HTR1F: variants seen among roughly 807,000 people sequenced by gnomAD.
HTR1F encodes the protein 5-hydroxytryptamine (serotonin) receptor 1F, G protein-coupled.
Under a neutral mutation model 24.0 loss-of-function variants are expected in HTR1F, and 17 were observed. The observed-to-expected ratio is 0.71, with a 90% CI of 0.48 to 1.06. HTR1F has a LOEUF of 1.06. Among genes scored for constraint, HTR1F ranks in the 50% least tolerant of loss-of-function variants. The probability of loss-of-function intolerance (pLI) is 0.00; values close to 1 mark genes in which losing one functional copy is unlikely to be tolerated. For synonymous variants in HTR1F, 186 were observed against 156.8 expected (o/e 1.19, Z -1.39); for missense variants, 391 against 427.8 (o/e 0.91, Z 0.76).
chr3:87,899,816 T>C (rs527531636), intron 2 of HTR1F, among the ~76,000 whole-genome samples: 70 of 152,268 alleles, frequency 4.6e-4, no homozygotes, highest in African/African-American at 1.6e-3. Context: ...TGAGCCAAGA[T>C]TGCGCCACTG....
chr3:87,892,024 G>C (rs1706096983), intron 2 of HTR1F, among the ~76,000 whole-genome samples: 1 of 152,050 alleles, frequency 6.6e-6, no homozygotes. Context: ...CCTGGATCTT[G>C]CAGAAACCTA....
chr3:87,882,500 A>G (rs1355711468), intron 2 of HTR1F, among the ~76,000 whole-genome samples: 2 of 152,136 alleles, frequency 1.3e-5, no homozygotes, highest in African/African-American at 4.8e-5. Flanking sequence ...AATGTGGCAC[A>G]TATACACCAT....
intron 1 of HTR1F, among the ~76,000 whole-genome samples, chr3:87,815,714 C>T (rs1037002476): frequency 2.6e-5 from 4 of 151,996 alleles, no homozygotes; most frequent in African/African-American, 9.7e-5. Flanking sequence ...ATTAAAATTC[C>T]TGCCTTACTT....
At chr3:87,898,173 A>G (rs573990335) in intron 2 of HTR1F, among the ~76,000 whole-genome samples, 7 of 152,214 alleles carry the variant, frequency 4.6e-5, no homozygotes, top group Non-Finnish European at 8.8e-5. Flanking sequence ...GCTAAAAATA[A>G]TAACCCAGAT....
At chr3:87,850,643 AATT>A (rs1327432824) in intron 2 of HTR1F, among the ~76,000 whole-genome samples, 5 of 151,832 alleles carry the variant, frequency 3.3e-5, no homozygotes, top group Non-Finnish European at 5.9e-5. Flanking sequence ...GCAAATTAAA[AATT>A]ATGATATATT....
chr3:87,886,124 T>G (rs1414569823), intron 2 of HTR1F, among the ~76,000 whole-genome samples: 1 of 152,130 alleles, frequency 6.6e-6, no homozygotes, highest in Non-Finnish European at 1.5e-5. Context: ...TAGCATCACA[T>G]CAAAAAGCTC....
intron 2 of HTR1F, among the ~76,000 whole-genome samples, chr3:87,869,733 T>TA: frequency 6.6e-6 from 1 of 152,248 alleles, no homozygotes; most frequent in East Asian, 1.9e-4. Context: ...TTTAGGATTT[T>TA]AACTGATTAG....
At chr3:87,922,916 A>G (rs927866611) in intron 2 of HTR1F, among the ~76,000 whole-genome samples, 6 of 147,548 alleles carry the variant, frequency 4.1e-5, no homozygotes, top group Non-Finnish European at 6.0e-5. Context: ...CTTACATGTA[A>G]GTCTTCAACC....
At chr3:87,927,617 T>C (rs1704158585) in intron 2 of HTR1F, among the ~76,000 whole-genome samples, 1 of 152,172 alleles carries the variant, frequency 6.6e-6, no homozygotes, top group South Asian at 2.1e-4. Flanking sequence ...AAGAATAAAA[T>C]GAATATGAAC....
chr3:87,857,622 GA>G (rs1705224108), intron 2 of HTR1F, among the ~76,000 whole-genome samples: 1 of 151,912 alleles, frequency 6.6e-6, no homozygotes, highest in South Asian at 2.1e-4. Context: ...ACAGAAAAAT[GA>G]AAAGGAAGGT....
intron 2 of HTR1F, among the ~76,000 whole-genome samples, chr3:87,916,136 CT>C (rs1210889764): frequency 6.6e-6 from 1 of 151,942 alleles, no homozygotes; most frequent in Non-Finnish European, 1.5e-5. Flanking sequence ...AAGATACAGT[CT>C]TTTTCAGACA....
intron 2 of HTR1F, among the ~76,000 whole-genome samples, chr3:87,951,208 T>C (rs1470808937): frequency 6.6e-6 from 1 of 152,166 alleles, no homozygotes; most frequent in African/African-American, 2.4e-5. Context: ...AGTTTTTGCA[T>C]ACCATTCTAT....
At chr3:87,946,262 G>T (rs1029116047) in intron 2 of HTR1F, among the ~76,000 whole-genome samples, 1 of 152,152 alleles carries the variant, frequency 6.6e-6, no homozygotes, top group Admixed American at 6.5e-5. Context: ...GGTGGACTTC[G>T]AGCAAAAGCT....
chr3:87,809,992 T>G (rs955830611), intron 1 of HTR1F, among the ~76,000 whole-genome samples: 7 of 152,136 alleles, frequency 4.6e-5, no homozygotes, highest in Non-Finnish European at 2.9e-5. Flanking sequence ...TGAACTCACC[T>G]TATTTTTTAA....
chr3:87,817,544 A>T (rs1468106648), intron 1 of HTR1F, among the ~76,000 whole-genome samples: 1 of 152,222 alleles, frequency 6.6e-6, no homozygotes, highest in East Asian at 1.9e-4. Flanking sequence ...ACACTAAAAC[A>T]GTCGGGAATA....
intron 2 of HTR1F, among the ~76,000 whole-genome samples, chr3:87,879,739 A>G (rs1347635458): frequency 1.3e-5 from 2 of 152,160 alleles, no homozygotes; most frequent in African/African-American, 4.8e-5. Flanking sequence ...ATTTCATTTT[A>G]TGGAGTTAAC....
chr3:87,945,866 G>T (rs1182578188), intron 2 of HTR1F, among the ~76,000 whole-genome samples: 1 of 152,106 alleles, frequency 6.6e-6, no homozygotes. Flanking sequence ...TACCGGGGGG[G>T]TCCTTGCTCC....
chr3:87,964,227 TA>T (rs1705118731), intron 2 of HTR1F, among the ~76,000 whole-genome samples: 1 of 152,142 alleles, frequency 6.6e-6, no homozygotes, highest in African/African-American at 2.4e-5. Context: ...TATAAAACTA[TA>T]ATATATTCCT....
At chr3:87,967,819 G>A (rs1705200541) in intron 2 of HTR1F, among the ~76,000 whole-genome samples, 1 of 152,178 alleles carries the variant, frequency 6.6e-6, no homozygotes, top group African/African-American at 2.4e-5. Flanking sequence ...TCAGGTATGT[G>A]TATCAGCAGC....
Sources: allele counts gnomAD v4.1 joint callset (sites outside exome capture counted in the v4.1 genomes callset), GRCh38; gene constraint gnomAD v4.1.1; transcripts MANE v1.5; gene names NCBI Gene and HGNC (gene_info 2026-07-23, HGNC 2026-07-21).